The following TMEM175 variants were observed in gnomAD, a reference collection of about 807,000 sequenced individuals.
TMEM175 encodes the protein transmembrane protein 175.
Under a neutral mutation model 36.5 loss-of-function variants are expected in TMEM175, and 36 were observed. The ratio of observed to expected loss-of-function variants is 0.99; its 90% CI spans 0.76 to 1.30. TMEM175 has a LOEUF of 1.30. Among genes scored for constraint, TMEM175 ranks in the 50% most tolerant of loss-of-function variants. The pLI is 0.00. For synonymous variants in TMEM175, 339 were observed against 313.4 expected (o/e 1.08, Z -0.86); for missense variants, 705 against 692.8 (o/e 1.02, Z -0.20).
At chr4:956,058 A>G in intron 10 of TMEM175, 168 bp downstream of exon 10, 1 of 860,140 alleles carries the variant, frequency 1.2e-6, no homozygotes. Flanking sequence ...CAGGGAGGAC[A>G]ACCTTCCCGG....
intron 3 of TMEM175, among the ~76,000 whole-genome samples, chr4:948,931 A>T (rs1303263878): frequency 1.3e-5 from 2 of 152,116 alleles, no homozygotes; most frequent in Non-Finnish European, 2.9e-5. Flanking sequence ...GGGGATGATG[A>T]GACTTTACAT....
chr4:957,998 G>A lies in TMEM175; in HGVS notation c.1017G>A (p.Arg339=), dbSNP rs747100175. The stretch of plus-strand genomic sequence containing the variant: ...TCCTGCATGTGCGCAAGGCCACGCG[G>A]GCCATGGGGCTGCTGAACACGCTCT... ...SLFLHVRKAT[R]AMGLLNTLSL... The change falls in exon 11 of 11, where the codon CGG becomes CGA. Residue 339 remains arginine (R), a synonymous_variant. Coordinates refer to ENST00000264771, the MANE Select transcript of TMEM175 (RefSeq NM_032326.4). The A allele has an allele frequency of 2.2e-5, 35 of 1,612,632 alleles. No homozygotes were observed. The South Asian group carries it at 3.6e-4, about 17-fold the overall frequency.
intron 6 of TMEM175, chr4:951,922 G>C (rs1203504924): frequency 1.6e-6 from 1 of 615,762 alleles, no homozygotes; most frequent in Non-Finnish European, 2.9e-6. Context: ...GCCCCGATGA[G>C]GGAGTCACCG....
In TMEM175 at chr4:958,415, C is replaced by A. The variant is rs1275114368; in HGVS notation, c.1434C>A (p.Gly478=). The change falls in exon 11 of 11, where the codon GGC becomes GGA. Residue 478 remains glycine, a synonymous_variant. Transcript: ENST00000264771. ...TGGCCACCCTGCGGGTCCTGCGGGGCCTCGCCCGGCCCGAACACCCCCCGC... is the reference window on the plus strand; with the variant it reads ...TGGCCACCCTGCGGGTCCTGCGGGGACTCGCCCGGCCCGAACACCCCCCGC... ...LALATLRVLR[G]LARPEHPPPA... 1.3e-6 allele frequency: 2 copies of A among 1,597,780 alleles called. No homozygotes were observed. Among genetic ancestry groups the A allele is most frequent in the Middle Eastern group, 1.7e-4 (1 of 5,988 alleles).
At chr4:951,566 T>C in intron 5 of TMEM175, 116 bp from the exon 6 acceptor site, 1 of 1,362,312 alleles carries the variant, frequency 7.3e-7, no homozygotes, top group Non-Finnish European at 1.0e-6. Flanking sequence ...TCACACTCGC[T>C]GGCCCACCCT....
intron 1 of TMEM175, among the ~76,000 whole-genome samples, chr4:940,610 G>C (rs1298404995): frequency 6.6e-6 from 1 of 152,116 alleles, no homozygotes; most frequent in Non-Finnish European, 1.5e-5. Context: ...ATACAGCACA[G>C]AATGAAGCCT....
intron 1 of TMEM175, among the ~76,000 whole-genome samples, chr4:944,156 G>T (rs1264600045): frequency 6.6e-6 from 1 of 152,204 alleles, no homozygotes; most frequent in Non-Finnish European, 1.5e-5. Flanking sequence ...AGCCAGGCAT[G>T]GTGGCTGGTG....
At chr4:936,818 A>G (rs1726839553) in intron 1 of TMEM175, among the ~76,000 whole-genome samples, 1 of 152,160 alleles carries the variant, frequency 6.6e-6, no homozygotes, top group South Asian at 2.1e-4. Context: ...TTAGCTGCGC[A>G]TGGTGGCATG....
intron 1 of TMEM175, among the ~76,000 whole-genome samples, chr4:945,459 C>T (rs535694959): frequency 3.3e-5 from 5 of 152,300 alleles, no homozygotes; most frequent in Admixed American, 2.0e-4. Flanking sequence ...CGTCGCCTCA[C>T]GCCCACCACC....
At chr4:957,533 G>A (rs955033361) in intron 10 of TMEM175, among the ~76,000 whole-genome samples, 2 of 152,258 alleles carry the variant, frequency 1.3e-5, no homozygotes, top group African/African-American at 2.4e-5. Context: ...GGCCAGAGAG[G>A]GCTGCAGCCC....
chr4:955,532 C>T (rs1255646117), intron 9 of TMEM175, 49 bp downstream of exon 9: 2 of 1,566,218 alleles, frequency 1.3e-6, no homozygotes, highest in African/African-American at 1.4e-5. Flanking sequence ...AGTCCGCCCA[C>T]CTCCGTGCGG....
intron 3 of TMEM175, among the ~76,000 whole-genome samples, chr4:948,789 C>T (rs975019086): frequency 6.6e-6 from 1 of 152,240 alleles, no homozygotes; most frequent in Non-Finnish European, 1.5e-5. Flanking sequence ...GCGCAAGGCA[C>T]AGCAGTGACC....
chr4:952,577 G>A, intron 7 of TMEM175, 127 bp downstream of exon 7: 3 of 872,994 alleles, frequency 3.4e-6, no homozygotes, highest in Non-Finnish European at 3.7e-6. Context: ...GTGTGTGTGT[G>A]TGTGTGTGTG....
intron 1 of TMEM175, among the ~76,000 whole-genome samples, chr4:946,618 A>T (rs1456209692): frequency 6.6e-6 from 1 of 152,144 alleles, no homozygotes; most frequent in Non-Finnish European, 1.5e-5. Flanking sequence ...TTCTGTCCAG[A>T]GTACTCTCCA....
Position 958,293 on chromosome 4 carries a change from T to C in TMEM175, c.1312T>C (p.Cys438Arg), listed in dbSNP as rs1302448614. 1 of 1,606,260 alleles carries C rather than the reference T, an allele frequency of 6.2e-7. No homozygotes were observed. The highest frequency in any genetic ancestry group is 1.7e-5 in the Admixed American group (1 of 60,024). ...CASLLAFAST[C>R]LLSRFSVGIF... Reference sequence around the variant, plus strand: ...CAGCCTGCTGGCCTTCGCCTCCACCTGCCTGCTGAGCAGGTTCAGTGTGGG... The same window carrying C: ...CAGCCTGCTGGCCTTCGCCTCCACCCGCCTGCTGAGCAGGTTCAGTGTGGG... The change falls in exon 11 of 11, where the codon TGC (cysteine) becomes CGC (arginine). Residue 438 changes from cysteine to arginine, a missense_variant. By Grantham distance (180) the Cys-to-Arg change is radical (BLOSUM62 -3). Transcript: ENST00000264771.
Position 953,167 on chromosome 4 carries a change from C to T in TMEM175, c.463-23C>T, listed in dbSNP as rs769877775. ...CCCCCTCTGCTCTTGGGGCCTGTGT[C>T]CTACAGCTTGCTTTTCCCGCAGGCA... On this transcript the variant is annotated intron_variant, in intron 7 of 10. Coordinates refer to ENST00000264771, the MANE Select transcript of TMEM175 (RefSeq NM_032326.4). 8.2e-6 allele frequency: 13 copies of T among 1,588,352 alleles called. No homozygotes were observed. The East Asian group carries it at 2.2e-4, about 27-fold the overall frequency.
intron 1 of TMEM175, among the ~76,000 whole-genome samples, chr4:945,103 A>G (rs1162110174): frequency 7.9e-6 from 1 of 126,310 alleles, no homozygotes; most frequent in Non-Finnish European, 1.8e-5. Flanking sequence ...ACCCTGTCTC[A>G]AAAAGAAAAA....
intron 1 of TMEM175, among the ~76,000 whole-genome samples, chr4:947,370 T>C (rs1728317343): frequency 6.6e-6 from 1 of 152,158 alleles, no homozygotes; most frequent in Admixed American, 6.5e-5. Flanking sequence ...CGCAGGGTGC[T>C]GTGTTCCTCT....
intron 6 of TMEM175, chr4:952,051 G>A (rs1728959505): frequency 1.7e-6 from 1 of 582,896 alleles, no homozygotes. Context: ...GGCTGTGAAA[G>A]TGCCTCCAAA....
Sources: allele counts gnomAD v4.1 joint callset (sites outside exome capture counted in the v4.1 genomes callset), GRCh38; gene constraint gnomAD v4.1.1; transcripts MANE v1.5; gene names NCBI Gene and HGNC (gene_info 2026-07-23, HGNC 2026-07-21).